DCDC1: variants seen among roughly 807,000 people sequenced by gnomAD.
The protein encoded by DCDC1 is doublecortin domain-containing protein 1.
Under a neutral mutation model 178.3 loss-of-function variants are expected in DCDC1, and 200 were observed. That is an observed-to-expected ratio of 1.12 (90% CI 1.00 to 1.26). DCDC1 has a LOEUF of 1.26. DCDC1 is among the 50% of genes most tolerant of loss of function. DCDC1 has a pLI of 0.00. For synonymous variants in DCDC1, 690 were observed against 604.8 expected (o/e 1.14, Z -2.07); for missense variants, 1,983 against 1,749.2 (o/e 1.13, Z -2.38).
intron 20 of DCDC1, among the ~76,000 whole-genome samples, chr11:31,009,378 C>T (rs1952034128): frequency 6.6e-6 from 1 of 151,842 alleles, no homozygotes; most frequent in African/African-American, 2.4e-5. Context: ...TGCTACATAA[C>T]AAATTATCAC....
intron 9 of DCDC1, among the ~76,000 whole-genome samples, chr11:31,213,723 A>C (rs1001165560): frequency 6.6e-6 from 1 of 151,978 alleles, no homozygotes; most frequent in Non-Finnish European, 1.5e-5. Flanking sequence ...CTGTCTCAAA[A>C]AAAAAACAAA....
intron 20 of DCDC1, among the ~76,000 whole-genome samples, chr11:31,011,525 G>A (rs1952165302): frequency 6.6e-6 from 1 of 152,186 alleles, no homozygotes; most frequent in African/African-American, 2.4e-5. Context: ...TGCTTCACCA[G>A]TAGTCAGAGA....
chr11:30,893,145 C>T, intron 35 of DCDC1, 148 bp from the exon 36 acceptor site: 1 of 769,340 alleles, frequency 1.3e-6, no homozygotes, highest in Non-Finnish European at 2.0e-6. Context: ...ATTAGCCTCT[C>T]TTGTCACTGA....
intron 8 of DCDC1, chr11:31,263,030 C>T: frequency 6.2e-7 from 1 of 1,611,536 alleles, no homozygotes; most frequent in East Asian, 2.2e-5. Flanking sequence ...AATCCGAATG[C>T]CTCTGGCATC....
chr11:31,358,709 C>T (rs1402842604), intron 1 of DCDC1, among the ~76,000 whole-genome samples: 1 of 152,074 alleles, frequency 6.6e-6, no homozygotes, highest in Non-Finnish European at 1.5e-5. Context: ...GGCTAATATC[C>T]AGAATCCACA....
In DCDC1 at chr11:31,110,255, C is replaced by T. The variant is rs1021273480; in HGVS notation, c.1587+5G>A. 4 of 708,830 alleles carry T rather than the reference C, an allele frequency of 5.6e-6. No individual in the cohort carries two copies. The highest frequency in any genetic ancestry group is 1.0e-5 in the Non-Finnish European group (4 of 386,310). The allele number at this position is 708,830 out of a possible 1,614,324, so 43.9% of individuals were successfully genotyped here. On this transcript the variant is annotated splice_donor_5th_base_variant and intron_variant, in intron 12 of 38. Coordinates refer to ENST00000684477, the MANE Select transcript of DCDC1 (RefSeq NM_001387274.1). The stretch of plus-strand genomic sequence containing the variant: ...AAGTCATAAGTAAACTGTCAGTAAA[C>T]TCACTCTTTCCATCATATGGTCAGT...
In DCDC1 at chr11:31,293,389, G is replaced by A. The variant is rs534115178; in HGVS notation, c.755-2537C>T. ...GAAACCACTCCCACTAAGGCCAGAG[G>A]GAGGAGATGTTACAGGCACCAAGAT... On this transcript the variant is annotated intron_variant, in intron 6 of 38. Transcript: ENST00000684477. Among the ~76,000 whole-genome samples the A allele has an allele frequency of 4.6e-5, 7 of 152,244 alleles. No homozygotes were observed. In the South Asian group the frequency reaches 1.5e-3, roughly 32 times the overall value.
chr11:31,108,942 G>A (rs944394762), intron 12 of DCDC1, among the ~76,000 whole-genome samples: 1 of 152,078 alleles, frequency 6.6e-6, no homozygotes, highest in Non-Finnish European at 1.5e-5. Flanking sequence ...ATTGAAACAC[G>A]TGTCCACACA....
In DCDC1 at chr11:30,920,627, G is replaced by A. The variant is rs116064317; in HGVS notation, c.3293+149C>T. The A allele has an allele frequency of 1.5e-3, 1,267 of 861,536 alleles. 14 individuals are homozygous for A. In the African/African-American group the frequency reaches 0.017, roughly 12 times the overall value. 53.4% of individuals were successfully genotyped at this position (861,536 alleles called of 1,614,324 possible). On this transcript the variant is annotated intron_variant, in intron 25 of 38. Transcript: ENST00000684477. Reference sequence around the variant, plus strand: ...GAAGCTGTAGTTGTATCATTTTGCCGGAAAACTAATTAAATACTAGCTCTT... The same window carrying A: ...GAAGCTGTAGTTGTATCATTTTGCCAGAAAACTAATTAAATACTAGCTCTT...
intron 17 of DCDC1, among the ~76,000 whole-genome samples, chr11:31,078,242 G>C (rs1345849249): frequency 2.0e-5 from 3 of 150,910 alleles, no homozygotes; most frequent in Non-Finnish European, 4.4e-5. Context: ...TGCAAAAAAA[G>C]ATCCTCTATG....
intron 9 of DCDC1, among the ~76,000 whole-genome samples, chr11:31,168,712 A>G (rs1173079200): frequency 6.6e-6 from 1 of 152,170 alleles, no homozygotes; most frequent in African/African-American, 2.4e-5. Flanking sequence ...TCTTCGTATC[A>G]CTATGCCTCA....
intron 20 of DCDC1, among the ~76,000 whole-genome samples, chr11:30,987,102 C>T (rs1045677009): frequency 6.6e-6 from 1 of 152,138 alleles, no homozygotes; most frequent in Non-Finnish European, 1.5e-5. Flanking sequence ...CTGCAACCTC[C>T]ACCTCCTGGG....
intron 18 of DCDC1, among the ~76,000 whole-genome samples, chr11:31,073,527 T>C (rs570490637): frequency 6.6e-6 from 1 of 152,318 alleles, no homozygotes; most frequent in Admixed American, 6.5e-5. Flanking sequence ...CATAATTATG[T>C]GCAGGCACAA....
chr11:30,955,534 A>T (rs766229673), intron 20 of DCDC1, among the ~76,000 whole-genome samples: 6 of 152,154 alleles, frequency 3.9e-5, no homozygotes, highest in Non-Finnish European at 5.9e-5. Flanking sequence ...CCATGAACAC[A>T]ACCTCAAACT....
intron 20 of DCDC1, among the ~76,000 whole-genome samples, chr11:30,990,351 C>T (rs1289628141): frequency 6.6e-6 from 1 of 152,170 alleles, no homozygotes; most frequent in African/African-American, 2.4e-5. Flanking sequence ...AAGCACGACA[C>T]CTTATTGCAT....
At chr11:30,903,332 T>C (rs1313867022) in intron 32 of DCDC1, 150 bp downstream of exon 32, 5 of 745,620 alleles carry the variant, frequency 6.7e-6, no homozygotes, top group Non-Finnish European at 1.9e-6. Flanking sequence ...GAAAACAACA[T>C]GACAATTTCA....
At chr11:31,007,416 G>A (rs909946247) in intron 20 of DCDC1, among the ~76,000 whole-genome samples, 1 of 152,192 alleles carries the variant, frequency 6.6e-6, no homozygotes, top group Non-Finnish European at 1.5e-5. Context: ...ACATTTCCCT[G>A]TGTAGTAACT....
intron 9 of DCDC1, among the ~76,000 whole-genome samples, chr11:31,171,594 G>C (rs1335680038): frequency 6.6e-6 from 1 of 152,174 alleles, no homozygotes; most frequent in African/African-American, 2.4e-5. Context: ...GCTTTGAAGT[G>C]TCTTCAACTG....
chr11:31,057,653 GGGAATA>G (rs1420826343), intron 20 of DCDC1, among the ~76,000 whole-genome samples: 1 of 152,100 alleles, frequency 6.6e-6, no homozygotes, highest in African/African-American at 2.4e-5. Context: ...GTAGATAAAA[GGGAATA>G]GGAGTGTTTG....
Sources: allele counts gnomAD v4.1 joint callset (sites outside exome capture counted in the v4.1 genomes callset), GRCh38; gene constraint gnomAD v4.1.1; transcripts MANE v1.5; gene names NCBI Gene and HGNC (gene_info 2026-07-23, HGNC 2026-07-21).